Variants in RBFOX1 observed in about 807,000 individuals in gnomAD.
The protein encoded by RBFOX1 is RNA binding fox-1 homolog 1, also known as RNA binding protein fox-1 homolog 1.
A neutral mutation model predicts 57.7 loss-of-function variants in RBFOX1; 8 were observed. The ratio of observed to expected loss-of-function variants is 0.14; its 90% CI spans 0.08 to 0.25. The LOEUF is 0.25. Ranked by LOEUF, RBFOX1 falls within the 10% of genes least tolerant of loss-of-function variation. The pLI is 1.00. For synonymous variants in RBFOX1, 326 were observed against 222.4 expected, an observed-to-expected ratio of 1.47 and a Z score of -4.15; for missense variants, 611 against 548.5, an observed-to-expected ratio of 1.11 and a Z score of -1.14.
intron 2 of RBFOX1, among the ~76,000 whole-genome samples, chr16:6,448,437 G>A (rs544541650): frequency 2.0e-5 from 3 of 152,140 alleles, no homozygotes; most frequent in East Asian, 1.9e-4. Flanking sequence ...GATTACAGAC[G>A]TGAGCCACTG....
intron 3 of RBFOX1, among the ~76,000 whole-genome samples, chr16:7,015,604 C>G (rs190357230): frequency 6.6e-6 from 1 of 152,242 alleles, no homozygotes; most frequent in African/African-American, 2.4e-5. Context: ...ATTTAAGAGC[C>G]TATTAGACAC....
intron 1 of RBFOX1, among the ~76,000 whole-genome samples, chr16:6,061,429 A>G (rs116460202): frequency 0.03 from 4,514 of 152,172 alleles, 101 homozygotes; most frequent in Middle Eastern, 0.062. Flanking sequence ...GTTTTGTTAT[A>G]TATCTATATT....
At chr16:7,314,541 C>CG (rs1235906735) in intron 4 of RBFOX1, among the ~76,000 whole-genome samples, 12 of 152,128 alleles carry the variant, frequency 7.9e-5, no homozygotes, top group Non-Finnish European at 2.9e-5. Context: ...GAATGAAGAA[C>CG]GGGATGCGAT....
At chr16:6,751,479 G>C (rs1435966354) in intron 3 of RBFOX1, among the ~76,000 whole-genome samples, 1 of 152,138 alleles carries the variant, frequency 6.6e-6, no homozygotes, top group South Asian at 2.1e-4. Context: ...CTATGTCTTA[G>C]TCCATGTACA....
intron 4 of RBFOX1, among the ~76,000 whole-genome samples, chr16:7,119,111 A>C (rs2066544893): frequency 6.6e-6 from 1 of 152,164 alleles, no homozygotes; most frequent in Non-Finnish European, 1.5e-5. Context: ...AATCTAGGCA[A>C]GTGTTGCAAT....
At chr16:7,686,277 A>G (rs2076045947) in intron 14 of RBFOX1, among the ~76,000 whole-genome samples, 1 of 152,056 alleles carries the variant, frequency 6.6e-6, no homozygotes, top group Non-Finnish European at 1.5e-5. Flanking sequence ...TTGTTTTAAA[A>G]TCTTGACTTC....
intron 1 of RBFOX1, among the ~76,000 whole-genome samples, chr16:5,257,661 A>C (rs2151091622): frequency 6.6e-6 from 1 of 152,076 alleles, no homozygotes; most frequent in South Asian, 2.1e-4. Context: ...TAAAGGCATG[A>C]CTCATCTTCC....
intron 1 of RBFOX1, among the ~76,000 whole-genome samples, chr16:5,417,351 A>G (rs1016832231): frequency 1.3e-5 from 2 of 152,224 alleles, no homozygotes; most frequent in African/African-American, 4.8e-5. Flanking sequence ...TTGACATTTT[A>G]GGTAATTCAG....
intron 3 of RBFOX1, among the ~76,000 whole-genome samples, chr16:7,034,848 C>CTTTTCTTTTTTTTT (rs1412479062): frequency 9.7e-5 from 3 of 30,838 alleles, no homozygotes; most frequent in African/African-American, 1.7e-4. Context: ...TTTCTTTTTT[C>CTTTTCTTTTTTTTT]TTTTTTTTTT....
At chr16:7,356,377 G>A (rs2097214444) in intron 4 of RBFOX1, among the ~76,000 whole-genome samples, 1 of 152,250 alleles carries the variant, frequency 6.6e-6, no homozygotes, top group South Asian at 2.1e-4. Flanking sequence ...GTCAGGTAAG[G>A]CCTCTCTGAG....
At chr16:5,821,277 T>A (rs891579428) in intron 3 of RBFOX1, among the ~76,000 whole-genome samples, 1 of 151,220 alleles carries the variant, frequency 6.6e-6, no homozygotes, top group Admixed American at 6.6e-5. Flanking sequence ...GTGGGCTGTC[T>A]GTCATTCTCT....
chr16:6,809,086 C>T (rs1454310987), intron 3 of RBFOX1, among the ~76,000 whole-genome samples: 1 of 152,146 alleles, frequency 6.6e-6, no homozygotes, highest in African/African-American at 2.4e-5. Flanking sequence ...CACCCATAGA[C>T]TGCTAAGTGT....
chr16:6,908,683 G>T (rs1322951439), intron 3 of RBFOX1, among the ~76,000 whole-genome samples: 1 of 152,134 alleles, frequency 6.6e-6, no homozygotes, highest in Non-Finnish European at 1.5e-5. Flanking sequence ...GCAGGGTCCA[G>T]TTGGGATGAC....
At chr16:6,506,941 C>G (rs931449754) in intron 2 of RBFOX1, among the ~76,000 whole-genome samples, 1 of 152,142 alleles carries the variant, frequency 6.6e-6, no homozygotes, top group Non-Finnish European at 1.5e-5. Context: ...AGCCACCGTG[C>G]CCAGCCTTAG....
intron 10 of RBFOX1, among the ~76,000 whole-genome samples, chr16:7,609,411 G>T (rs1596434944): frequency 3.9e-5 from 6 of 152,260 alleles, no homozygotes; most frequent in Admixed American, 3.9e-4. Context: ...TGGGTGTTGA[G>T]GAGGACATTA....
intron 1 of RBFOX1, among the ~76,000 whole-genome samples, chr16:5,312,376 T>C (rs1398667792): frequency 6.6e-6 from 1 of 152,208 alleles, no homozygotes; most frequent in East Asian, 1.9e-4. Context: ...TGGAGTGCAG[T>C]GGCACGTTCG....
intron 3 of RBFOX1, among the ~76,000 whole-genome samples, chr16:5,645,369 C>T (rs540141053): frequency 1.3e-5 from 2 of 151,878 alleles, no homozygotes; most frequent in South Asian, 2.1e-4. Flanking sequence ...TAGGTATATA[C>T]ACACAATGTA....
In RBFOX1 at chr16:7,242,686, T is replaced by C. The variant is rs58491324; in HGVS notation, c.27+190588T>C. ...ATCCGTGCTTCGTGATTTGCATCCA[T>C]GTGACTTGAAGCAGCCAGTTGGACC... On this transcript the variant is annotated intron_variant, in intron 4 of 15. Transcript: ENST00000550418. Among the ~76,000 whole-genome samples, 4 of 152,276 alleles carry C rather than the reference T, an allele frequency of 2.6e-5. No individual in the cohort carries two copies. The East Asian group carries it at 7.7e-4, about 29-fold the overall frequency.
Position 6,608,111 on chromosome 16 carries a change from G to A in RBFOX1, c.-63-46492G>A, listed in dbSNP as rs1309044428. On this transcript the variant is annotated intron_variant, in intron 2 of 15. Coordinates refer to ENST00000550418, the MANE Select transcript of RBFOX1 (RefSeq NM_018723.4). ...AATGTCTCATAGCACCTGAAACAAC[G>A]GGTTCTCAAGAAATACTATTTCATT... 3.9e-5 allele frequency among the ~76,000 whole-genome samples: 6 copies of A among 151,982 alleles called. No homozygotes were observed. In the South Asian group the frequency reaches 8.3e-4, roughly 21 times the overall value.
Sources: allele counts gnomAD v4.1 joint callset (sites outside exome capture counted in the v4.1 genomes callset), GRCh38; gene constraint gnomAD v4.1.1; transcripts MANE v1.5; gene names NCBI Gene and HGNC (gene_info 2026-07-23, HGNC 2026-07-21).